The following GRM1 variants were observed in gnomAD, a reference collection of about 807,000 sequenced individuals.
GRM1 encodes glutamate metabotropic receptor 1.
Under a neutral mutation model 90.9 loss-of-function variants are expected in GRM1, and 33 were observed. That is an observed-to-expected ratio of 0.36 (90% CI 0.28 to 0.49). The LOEUF is 0.49. Ranked by LOEUF, GRM1 falls within the 20% of genes least tolerant of loss-of-function variation. The probability of loss-of-function intolerance (pLI) is 0.99; values close to 1 mark genes in which losing one functional copy is unlikely to be tolerated. For synonymous variants in GRM1, 700 were observed against 613.2 expected (o/e 1.14, Z -2.09); for missense variants, 1,190 against 1,534.3 (o/e 0.78, Z 3.75).
At chr6:146,167,967 C>A (rs1004583648) in intron 2 of GRM1, among the ~76,000 whole-genome samples, 1 of 151,958 alleles carries the variant, frequency 6.6e-6, no homozygotes. Flanking sequence ...CCTCCAAGGT[C>A]ACAAACATTT....
intron 1 of GRM1, among the ~76,000 whole-genome samples, chr6:146,051,971 A>T (rs566737571): frequency 6.6e-6 from 1 of 152,120 alleles, no homozygotes; most frequent in Non-Finnish European, 1.5e-5. Context: ...GGCTGAAACC[A>T]GATATTTGTA....
chr6:146,235,080 A>G (rs1267073596), intron 2 of GRM1, among the ~76,000 whole-genome samples: 1 of 152,102 alleles, frequency 6.6e-6, no homozygotes, highest in East Asian at 1.9e-4. Flanking sequence ...CTGCCTAAAG[A>G]ACTTCCTCTA....
At chr6:146,157,974 A>C (rs371828147) in intron 1 of GRM1, among the ~76,000 whole-genome samples, 8 of 152,276 alleles carry the variant, frequency 5.3e-5, no homozygotes, top group South Asian at 2.1e-4. Context: ...GATTAATGAA[A>C]TATTTAATAT....
chr6:146,311,724 A>G (rs1257594237), intron 3 of GRM1, among the ~76,000 whole-genome samples: 2 of 152,248 alleles, frequency 1.3e-5, no homozygotes, highest in African/African-American at 2.4e-5. Flanking sequence ...TCTTATAAAC[A>G]TAATAGTAAC....
intron 7 of GRM1, among the ~76,000 whole-genome samples, chr6:146,420,108 A>G (rs1777936019): frequency 6.6e-6 from 1 of 152,234 alleles, no homozygotes; most frequent in Non-Finnish European, 1.5e-5. Flanking sequence ...TTAAAAGATA[A>G]GCTGAATACA....
At chr6:146,411,155 G>A (rs1466629350) in intron 7 of GRM1, among the ~76,000 whole-genome samples, 1 of 152,198 alleles carries the variant, frequency 6.6e-6, no homozygotes, top group South Asian at 2.1e-4. Flanking sequence ...GTGTTTCTAT[G>A]AGAAGTACGG....
At chr6:146,356,841 T>C (rs1785602801) in intron 4 of GRM1, among the ~76,000 whole-genome samples, 1 of 152,204 alleles carries the variant, frequency 6.6e-6, no homozygotes, top group African/African-American at 2.4e-5. Flanking sequence ...TTTGATATAC[T>C]GTATGTATAT....
intron 2 of GRM1, among the ~76,000 whole-genome samples, chr6:146,241,831 A>C (rs1174463244): frequency 6.6e-6 from 1 of 152,122 alleles, no homozygotes; most frequent in African/African-American, 2.4e-5. Context: ...TAAACCTATA[A>C]AATACCTACT....
intron 1 of GRM1, among the ~76,000 whole-genome samples, chr6:146,099,943 A>C (rs1421037211): frequency 1.3e-5 from 2 of 152,216 alleles, no homozygotes; most frequent in Non-Finnish European, 2.9e-5. Context: ...AGAAAACACC[A>C]CACTGTTTCC....
At chr6:146,168,990 G>C (rs1778007801) in intron 2 of GRM1, among the ~76,000 whole-genome samples, 1 of 151,928 alleles carries the variant, frequency 6.6e-6, no homozygotes, top group African/African-American at 2.4e-5. Flanking sequence ...ATCAAATTTG[G>C]AAAAATGGCC....
intron 2 of GRM1, among the ~76,000 whole-genome samples, chr6:146,180,526 A>T (rs1376740742): frequency 1.3e-5 from 2 of 152,268 alleles, no homozygotes; most frequent in East Asian, 3.9e-4. Context: ...AATGTGAAAT[A>T]TATATTGTGT....
At chr6:146,155,995 C>T (rs6900486) in intron 1 of GRM1, among the ~76,000 whole-genome samples, 8,111 of 152,282 alleles carry the variant, frequency 0.053, 711 homozygotes, top group African/African-American at 0.18. Flanking sequence ...CAATCAGGAG[C>T]CTACGGCACT....
chr6:146,088,033 AG>A (rs1776601910), intron 1 of GRM1, among the ~76,000 whole-genome samples: 1 of 152,208 alleles, frequency 6.6e-6, no homozygotes, highest in African/African-American at 2.4e-5. Flanking sequence ...TTTCCAGAGT[AG>A]CTGTATCATT....
intron 1 of GRM1, among the ~76,000 whole-genome samples, chr6:146,094,328 A>G (rs935423657): frequency 6.6e-6 from 1 of 152,142 alleles, no homozygotes; most frequent in Admixed American, 6.5e-5. Flanking sequence ...TCTAGGTTAT[A>G]AGCAACCAGT....
chr6:146,137,034 G>A (rs1776650708), intron 1 of GRM1, among the ~76,000 whole-genome samples: 1 of 151,788 alleles, frequency 6.6e-6, no homozygotes, highest in African/African-American at 2.4e-5. Context: ...TGTATTTTTA[G>A]TAGAGACAGG....
intron 2 of GRM1, among the ~76,000 whole-genome samples, chr6:146,250,120 G>A (rs961613170): frequency 2.0e-5 from 3 of 152,110 alleles, no homozygotes; most frequent in East Asian, 1.9e-4. Context: ...TTTTATAGGC[G>A]CATAGGTGGA....
At chr6:146,095,901 G>T (rs1776858322) in intron 1 of GRM1, among the ~76,000 whole-genome samples, 1 of 152,138 alleles carries the variant, frequency 6.6e-6, no homozygotes, top group African/African-American at 2.4e-5. Context: ...AACATCTCCA[G>T]TGATGGTTAA....
At position 146,247,626 on chromosome 6, in the gene GRM1, C is replaced by T. The variant is rs142567640; in HGVS notation, c.951-56985C>T. On this transcript the variant is annotated intron_variant, in intron 2 of 7. Transcript: ENST00000282753. ...ATTAGTCGAGCATGATGGGGCACGC[C>T]TGTAATCCCAGCTACTTGGGAGGCT... 4.2e-3 allele frequency among the ~76,000 whole-genome samples: 630 copies of T among 151,478 alleles called. 9 individuals are homozygous for T. The highest frequency in any genetic ancestry group is 0.026 in the Admixed American group (391 of 15,170).
At chr6:146,153,672 T>C (rs773005244) in intron 1 of GRM1, among the ~76,000 whole-genome samples, 3 of 152,058 alleles carry the variant, frequency 2.0e-5, no homozygotes, top group East Asian at 3.9e-4. Flanking sequence ...TCTGGAAGAA[T>C]AGATAATGGA....
Sources: allele counts gnomAD v4.1 joint callset (sites outside exome capture counted in the v4.1 genomes callset), GRCh38; gene constraint gnomAD v4.1.1; transcripts MANE v1.5; gene names NCBI Gene and HGNC (gene_info 2026-07-23, HGNC 2026-07-21).